SLC24A4: variants seen among roughly 807,000 people sequenced by gnomAD.
The protein encoded by SLC24A4 is sodium/potassium/calcium exchanger 4.
A neutral mutation model predicts 79.0 loss-of-function variants in SLC24A4; 53 were observed. That is an observed-to-expected ratio of 0.67 (90% CI 0.54 to 0.84). The LOEUF is 0.84. SLC24A4 is among the 40% of genes least tolerant of loss of function. The pLI, the probability that SLC24A4 is intolerant of heterozygous loss-of-function variation, is 0.00. For missense variants in SLC24A4, 731 were observed against 822.0 expected (o/e 0.89, Z 1.35); for synonymous variants, 323 against 323.8 (o/e 1.00, Z 0.03).
In SLC24A4 at chr14:92,343,624, CTT is replaced by C. The variant is rs1566699910; in HGVS notation, c.241+17648_241+17649del. On this transcript the variant is annotated intron_variant, in intron 2 of 16. Transcript: ENST00000532405. ...TCTTTCTTTCTTTCTTTCTTTCTTT[CTT>C]TCTTTCTTTCTTTCTCTCTTTCCTT... Among the ~76,000 whole-genome samples, 45 of 148,242 alleles carry C rather than the reference CTT, an allele frequency of 3.0e-4. 1 individual carries two copies. In the South Asian group the frequency reaches 9.7e-3, roughly 32 times the overall value.
intron 2 of SLC24A4, among the ~76,000 whole-genome samples, chr14:92,358,178 T>C (rs963386883): frequency 5.3e-5 from 8 of 152,178 alleles, no homozygotes; most frequent in Non-Finnish European, 1.0e-4. Flanking sequence ...AAAGTGGAAA[T>C]ACCGTGTAGG....
chr14:92,470,873 G>T, intron 12 of SLC24A4, among the ~76,000 whole-genome samples: 1 of 152,352 alleles, frequency 6.6e-6, no homozygotes, highest in Middle Eastern at 3.4e-3. Flanking sequence ...ATGGTGGCAG[G>T]TTCCCTGAGA....
intron 2 of SLC24A4, among the ~76,000 whole-genome samples, chr14:92,343,589 T>TTTCTTTCTTTC (rs1555360265): frequency 2.4e-5 from 2 of 82,330 alleles, no homozygotes; most frequent in Non-Finnish European, 5.4e-5. Context: ...GTTTTCTTTC[T>TTTCTTTCTTTC]TTCTTTCTTT....
chr14:92,342,312 G>C (rs1278790922), intron 2 of SLC24A4, among the ~76,000 whole-genome samples: 2 of 2,150 alleles, frequency 9.3e-4, no homozygotes, highest in African/African-American at 1.0e-3. Context: ...GTGGGGCTGT[G>C]GGGGGGGGGT....
At chr14:92,476,585 C>T (rs546772933) in intron 12 of SLC24A4, among the ~76,000 whole-genome samples, 10 of 152,158 alleles carry the variant, frequency 6.6e-5, no homozygotes, top group South Asian at 6.2e-4. Context: ...CCATAAAATT[C>T]GCCCTCATAA....
intron 2 of SLC24A4, among the ~76,000 whole-genome samples, chr14:92,343,653 T>TTTCCTTCCTTCCTTCCCTCC (rs1886338462): frequency 8.5e-4 from 29 of 34,254 alleles, no homozygotes; most frequent in Middle Eastern, 0.014. Context: ...TCTTTCCTTC[T>TTTCCTTCCTTCCTTCCCTCC]TTCCTTCCTT....
intron 12 of SLC24A4, among the ~76,000 whole-genome samples, chr14:92,476,690 C>A (rs568897578): frequency 5.3e-5 from 8 of 152,314 alleles, no homozygotes; most frequent in Non-Finnish European, 1.0e-4. Context: ...TTCATAGTCC[C>A]ATGAGCATGA....
At chr14:92,360,310 A>T (rs1040722538) in intron 2 of SLC24A4, among the ~76,000 whole-genome samples, 6 of 151,816 alleles carry the variant, frequency 4.0e-5, no homozygotes, top group African/African-American at 1.5e-4. Context: ...ATCGTAGCTC[A>T]TTGTGGCCTC....
intron 1 of SLC24A4, among the ~76,000 whole-genome samples, chr14:92,324,488 C>G (rs1218123150): frequency 3.9e-5 from 6 of 152,248 alleles, no homozygotes; most frequent in Non-Finnish European, 8.8e-5. Context: ...CATCGCGTCT[C>G]TCAACTCCCC....
intron 1 of SLC24A4, among the ~76,000 whole-genome samples, chr14:92,324,497 C>G (rs956489148): frequency 6.6e-6 from 1 of 152,330 alleles, no homozygotes; most frequent in African/African-American, 2.4e-5. Context: ...TCTCAACTCC[C>G]CTTAACTCCC....
intron 4 of SLC24A4, among the ~76,000 whole-genome samples, chr14:92,440,171 TC>T (rs1892410310): frequency 6.6e-6 from 1 of 152,068 alleles, no homozygotes; most frequent in Non-Finnish European, 1.5e-5. Context: ...GAGCTCAGTG[TC>T]CTTGCAGAAT....
intron 13 of SLC24A4, among the ~76,000 whole-genome samples, chr14:92,485,483 G>T (rs201340835): frequency 7.4e-6 from 1 of 135,864 alleles, no homozygotes; most frequent in African/African-American, 2.7e-5. Context: ...AAAAAGAAAA[G>T]AAAAAAAAAA....
At chr14:92,408,175 G>GTA (rs1890509635) in intron 2 of SLC24A4, among the ~76,000 whole-genome samples, 1 of 150,252 alleles carries the variant, frequency 6.7e-6, no homozygotes, top group Non-Finnish European at 1.5e-5. Flanking sequence ...CAGTGTGTGT[G>GTA]TGTGTGTGTG....
chr14:92,365,188 T>C (rs1377729527), intron 2 of SLC24A4, among the ~76,000 whole-genome samples: 2 of 152,252 alleles, frequency 1.3e-5, no homozygotes, highest in African/African-American at 4.8e-5. Flanking sequence ...GGGCAAGGAC[T>C]GTGTGCCGTC....
At chr14:92,471,548 G>A (rs988708616) in intron 12 of SLC24A4, among the ~76,000 whole-genome samples, 5 of 152,142 alleles carry the variant, frequency 3.3e-5, no homozygotes, top group African/African-American at 1.2e-4. Context: ...TCCCAAGGTT[G>A]ACCCTTGTTA....
At chr14:92,439,618 GA>G (rs1022576169) in intron 4 of SLC24A4, among the ~76,000 whole-genome samples, 1 of 152,208 alleles carries the variant, frequency 6.6e-6, no homozygotes, top group East Asian at 1.9e-4. Context: ...GAACTTGGCA[GA>G]AAAAAACACT....
chr14:92,367,786 T>A (rs1262075458), intron 2 of SLC24A4, among the ~76,000 whole-genome samples: 2 of 152,066 alleles, frequency 1.3e-5, no homozygotes, highest in Non-Finnish European at 2.9e-5. Context: ...TTGGAGTGCT[T>A]TGGAGGGATG....
At chr14:92,401,613 T>G (rs979668255) in intron 2 of SLC24A4, among the ~76,000 whole-genome samples, 19 of 152,116 alleles carry the variant, frequency 1.2e-4, no homozygotes, top group African/African-American at 4.1e-4. Context: ...AGAGAGGCAG[T>G]GTTGTGGAGT....
intron 12 of SLC24A4, among the ~76,000 whole-genome samples, chr14:92,473,340 C>T (rs1299509775): frequency 6.6e-6 from 1 of 152,188 alleles, no homozygotes. Flanking sequence ...CTGGTTTAGT[C>T]TCAGTCTCTC....
Sources: allele counts gnomAD v4.1 joint callset (sites outside exome capture counted in the v4.1 genomes callset), GRCh38; gene constraint gnomAD v4.1.1; transcripts MANE v1.5; gene names NCBI Gene and HGNC (gene_info 2026-07-23, HGNC 2026-07-21).